Variants in SMAD2 observed in about 807,000 individuals in gnomAD.
SMAD2 encodes MAD homolog 2.
A neutral mutation model predicts 64.4 loss-of-function variants in SMAD2; 8 were observed. The ratio of observed to expected loss-of-function variants is 0.12; its 90% confidence interval spans 0.07 to 0.22. The LOEUF (loss-of-function observed/expected upper bound fraction) is 0.22. Ranked by LOEUF, SMAD2 falls within the 10% of genes least tolerant of loss-of-function variation. The pLI is 1.00. For missense variants in SMAD2, 289 were observed against 561.2 expected (o/e 0.51, Z 4.90); for synonymous variants, 203 against 195.8 (o/e 1.04, Z -0.31).
chr18:47,884,764 A>G (rs993108780), intron 2 of SMAD2, among the ~76,000 whole-genome samples: 4 of 152,210 alleles, frequency 2.6e-5, no homozygotes, highest in Admixed American at 2.6e-4. Context: ...ACAGTCCTAT[A>G]AGAATAAAAT....
At chr18:47,847,601 G>A (rs1196960598) in intron 8 of SMAD2, among the ~76,000 whole-genome samples, 1 of 132,856 alleles carries the variant, frequency 7.5e-6, no homozygotes, top group African/African-American at 2.9e-5. Flanking sequence ...TATTAACAAT[G>A]TTTATAAAAA....
chr18:47,865,486 T>G (rs2031488730), intron 5 of SMAD2, among the ~76,000 whole-genome samples: 1 of 152,216 alleles, frequency 6.6e-6, no homozygotes, highest in South Asian at 2.1e-4. Flanking sequence ...ACTACAATTT[T>G]TTGTTGTTGT....
intron 1 of SMAD2, among the ~76,000 whole-genome samples, chr18:47,923,331 G>A (rs750785902): frequency 6.6e-6 from 1 of 152,138 alleles, no homozygotes; most frequent in African/African-American, 2.4e-5. Context: ...GTCAATTCAC[G>A]TGAGTGGGGT....
At position 47,870,526 on chromosome 18, in the gene SMAD2, G is replaced by C. The variant is rs984513669; in HGVS notation, c.275C>G (p.Thr92Arg). The C allele has an allele frequency of 1.9e-6, 3 of 1,613,388 alleles. No homozygotes were observed. The African/African-American group carries it at 4.0e-5, about 22-fold the overall frequency. ...GCCTGTTGTATCCCACTGATCTATC[G>C]TATTTGGTGTACTCAGTCCCCAAAT... is the stretch of plus-strand genomic sequence containing the variant. ...SEIWGLSTPN[T>R]IDQWDTTGLY... Residue 92 changes from threonine (T) to arginine (R), a missense_variant, in exon 3 of 11, where the codon ACG (threonine) becomes AGG (arginine). Physicochemically the swap from Thr to Arg is moderately conservative, Grantham distance 71. Coordinates refer to ENST00000262160, the MANE Select transcript of SMAD2 (RefSeq NM_005901.6).
At chr18:47,898,465 T>G (rs1400000866) in intron 1 of SMAD2, among the ~76,000 whole-genome samples, 1 of 152,072 alleles carries the variant, frequency 6.6e-6, no homozygotes, top group African/African-American at 2.4e-5. Context: ...AAAAAAACAG[T>G]TTTTAAGCAC....
chr18:47,916,786 G>A (rs1331659961), intron 1 of SMAD2, among the ~76,000 whole-genome samples: 2 of 152,170 alleles, frequency 1.3e-5, no homozygotes, highest in Non-Finnish European at 2.9e-5. Flanking sequence ...TGTTTTGCTA[G>A]AAATTGTCCA....
chr18:47,850,420 AATATATTATATATATTATGTATAAT>A lies in SMAD2; in HGVS notation c.784+829_784+853del, dbSNP rs1418131956. ...ATTATATATTATGTATAATATATATAATATATTATATATATTATGTATAATATATATTATATATTATACATAATAT... is the reference window on the plus strand; with the variant it reads ...ATTATATATTATGTATAATATATATAATATATTATATATTATACATAATAT... On this transcript the variant is annotated intron_variant, in intron 7 of 10. Transcript: ENST00000262160. Among the ~76,000 whole-genome samples the A allele has an allele frequency of 4.6e-4, 6 of 13,014 alleles. 2 individuals carry two copies. The highest frequency in any genetic ancestry group is 1.3e-3 in the African/African-American group (4 of 3,116). The allele number at this position is 13,014 out of a possible 152,430, so 8.5% of individuals were successfully genotyped here.
chr18:47,848,391 A>G, intron 8 of SMAD2, 84 bp downstream of exon 8: 2 of 1,060,624 alleles, frequency 1.9e-6, no homozygotes, highest in Non-Finnish European at 2.9e-6. Context: ...TACTGCACAC[A>G]AGCTCTTGAT....
rs755071501 is a variant in SMAD2 at position 47,841,218 on chromosome 18, T to G, written c.*609A>C. On this transcript the variant is annotated 3_prime_UTR_variant, in exon 11 of 11. Transcript: ENST00000262160. ...TTAAGCCCCACTGAACACATTAAGG[T>G]CAAGGATTTCAAAAGTTAATCCACT... 2.6e-5 allele frequency: 6 copies of G among 232,314 alleles called. No homozygotes were observed. Among genetic ancestry groups the G allele is most frequent in the Non-Finnish European group, 5.1e-5 (6 of 118,010 alleles). 14.4% of individuals were successfully genotyped at this position (232,314 alleles called of 1,614,324 possible). A position where few individuals can be genotyped will look rare whatever the true frequency, so the allele number is the denominator to read the frequency against.
chr18:47,878,475 A>T (rs189644358), intron 2 of SMAD2: 3 of 152,238 alleles, frequency 2.0e-5, no homozygotes, highest in Admixed American at 2.0e-4. Context: ...CAAAATAATT[A>T]AAAAATTAGC....
intron 6 of SMAD2, 60 bp from the exon 7 acceptor site, chr18:47,851,387 A>C (rs1421753341): frequency 5.5e-6 from 6 of 1,086,916 alleles, no homozygotes; most frequent in Non-Finnish European, 8.6e-6. Context: ...TCAAGTAATC[A>C]TAAAACTAGC....
intron 1 of SMAD2, among the ~76,000 whole-genome samples, chr18:47,929,927 T>C (rs1224077071): frequency 6.6e-6 from 1 of 152,064 alleles, no homozygotes; most frequent in Non-Finnish European, 1.5e-5. Flanking sequence ...TGTGCGTGTT[T>C]GTGAGTACAC....
chr18:47,860,722 C>G (rs1021723272), intron 6 of SMAD2, among the ~76,000 whole-genome samples: 2 of 152,090 alleles, frequency 1.3e-5, no homozygotes, highest in Admixed American at 1.3e-4. Context: ...AGACCAATCT[C>G]TCATAAACAT....
At chr18:47,869,510 AAATT>A (rs1451848485) in intron 3 of SMAD2, 74 bp from the exon 4 acceptor site, 2 of 982,646 alleles carry the variant, frequency 2.0e-6, no homozygotes, top group Non-Finnish European at 3.1e-6. Context: ...CAAATGGGCT[AAATT>A]AGTACAATAA....
Position 47,810,983 on chromosome 18 carries a change from T to A in SMAD2, c.*30844A>T, listed in dbSNP as rs1218016500. 2 of 152,240 alleles carry A rather than the reference T, an allele frequency of 1.3e-5. No individual in the cohort carries two copies. Among genetic ancestry groups the A allele is most frequent in the East Asian group, 3.8e-4 (2 of 5,202 alleles). 9.4% of individuals were successfully genotyped at this position (152,240 alleles called of 1,614,324 possible). A position where few individuals can be genotyped will look rare whatever the true frequency, so the allele number is the denominator to read the frequency against. ...AATTATTAGCCTCGAAGTTTTCTGT[T>A]GGCATGAGCACTACGATCCCCCAAG... On this transcript the variant is annotated 3_prime_UTR_variant, in exon 11 of 11. Coordinates refer to ENST00000262160, the MANE Select transcript of SMAD2 (RefSeq NM_005901.6).
At chr18:47,880,120 A>G (rs1250554356) in intron 2 of SMAD2, among the ~76,000 whole-genome samples, 1 of 152,158 alleles carries the variant, frequency 6.6e-6, no homozygotes, top group Non-Finnish European at 1.5e-5. Context: ...CTTATTTTTT[A>G]ACAATGTATT....
rs1034973678 is a variant in SMAD2, at chr18:47,818,612, A to G, written c.*23215T>C. The stretch of plus-strand genomic sequence containing the variant: ...AGTCAAAAAAACCAGAATGGCAAAC[A>G]AAAGATTTGTTACTAAAAATTCAAG... On this transcript the variant is annotated 3_prime_UTR_variant, in exon 11 of 11. Transcript: ENST00000262160. 14 of 152,252 alleles carry G rather than the reference A, an allele frequency of 9.2e-5. No homozygotes were observed. Among genetic ancestry groups the G allele is most frequent in the South Asian group, 2.1e-4 (1 of 4,836 alleles). The allele number at this position is 152,252 out of a possible 1,614,324, so 9.4% of individuals were successfully genotyped here.
chr18:47,819,359 G>C lies in SMAD2; in HGVS notation c.*22468C>G, dbSNP rs1341083963. ...TATTGACTTCAGCTGTGTCCTCTGA[G>C]TTACTGGCAAAATACCTACATATTT... On this transcript the variant is annotated 3_prime_UTR_variant, in exon 11 of 11. Coordinates refer to ENST00000262160, the MANE Select transcript of SMAD2 (RefSeq NM_005901.6). 6.6e-6 allele frequency: 1 copy of C among 152,180 alleles called. No homozygotes were observed. Among genetic ancestry groups the C allele is most frequent in the African/African-American group, 2.4e-5 (1 of 41,426 alleles). 9.4% of individuals were successfully genotyped at this position (152,180 alleles called of 1,614,324 possible).
At chr18:47,904,265 C>T (rs139900215) in intron 1 of SMAD2, among the ~76,000 whole-genome samples, 1,917 of 149,204 alleles carry the variant, frequency 0.013, 11 homozygotes, top group African/African-American at 0.022. Flanking sequence ...CAAATGCCTT[C>T]AACTATGACG....
Sources: allele counts gnomAD v4.1 joint callset (sites outside exome capture counted in the v4.1 genomes callset), GRCh38; gene constraint gnomAD v4.1.1; transcripts MANE v1.5; gene names NCBI Gene and HGNC (gene_info 2026-07-23, HGNC 2026-07-21).